DCBLD1: variants seen among roughly 807,000 people sequenced by gnomAD.
The protein encoded by DCBLD1 is discoidin, CUB and LCCL domain containing 1, also known as discoidin, CUB and LCCL domain-containing protein 1.
A neutral mutation model predicts 71.5 loss-of-function variants in DCBLD1; 57 were observed. The observed-to-expected ratio is 0.80, with a 90% CI of 0.64 to 0.99. The LOEUF is 0.99. Among genes scored for constraint, DCBLD1 ranks in the 50% least tolerant of loss-of-function variants. The probability of loss-of-function intolerance (pLI) is 0.00; values close to 1 mark genes in which losing one functional copy is unlikely to be tolerated. For missense variants in DCBLD1, 891 were observed against 923.5 expected (o/e 0.96, Z 0.46); for synonymous variants, 380 against 363.8 (o/e 1.04, Z -0.51).
intron 3 of DCBLD1, 105 bp from the exon 4 acceptor site, chr6:117,521,420 A>G (rs920531168): frequency 3.1e-6 from 3 of 956,986 alleles, no homozygotes; most frequent in South Asian, 1.6e-5. Context: ...TACATAGTGA[A>G]TAAATGCTTT....
chr6:117,486,199 T>C (rs1181064374), intron 1 of DCBLD1, among the ~76,000 whole-genome samples: 2 of 152,232 alleles, frequency 1.3e-5, no homozygotes, highest in Non-Finnish European at 2.9e-5. Flanking sequence ...TGAGGAATTA[T>C]GTCTTATTTT....
Position 117,549,384 on chromosome 6 carries a change from A to T in DCBLD1, c.*945A>T. 1.0e-6 allele frequency: 1 copy of T among 985,442 alleles called. No homozygotes were observed. The highest frequency in any genetic ancestry group is 1.2e-6 in the Non-Finnish European group (1 of 829,938). 61.0% of individuals were successfully genotyped at this position (985,442 alleles called of 1,614,324 possible). ...AAGTCTAAATCGAGCTTTTCTACTG[A>T]CATGAAACTGTTGGAAACTGATCTC... On this transcript the variant is annotated 3_prime_UTR_variant, in exon 15 of 15. Coordinates refer to ENST00000338728, the MANE Select transcript of DCBLD1 (RefSeq NM_001366458.2).
At chr6:117,545,442 G>T in intron 13 of DCBLD1, 36 bp from the exon 14 acceptor site, 1 of 1,608,984 alleles carries the variant, frequency 6.2e-7, no homozygotes, top group South Asian at 1.1e-5. Context: ...TTACATTTCT[G>T]ACATATTCAT....
At chr6:117,520,665 T>A (rs1476262231) in intron 3 of DCBLD1, among the ~76,000 whole-genome samples, 1 of 152,108 alleles carries the variant, frequency 6.6e-6, no homozygotes, top group Non-Finnish European at 1.5e-5. Flanking sequence ...CGAACACTGA[T>A]GAGAGAGAGA....
At chr6:117,553,772 T>C, downstream of DCBLD1, among the ~76,000 whole-genome samples, 1 of 151,884 alleles carries the variant, frequency 6.6e-6, no homozygotes, top group East Asian at 1.9e-4. Flanking sequence ...TACTTAGGTG[T>C]TTTTTTTGTT....
intron 14 of DCBLD1, among the ~76,000 whole-genome samples, chr6:117,564,121 G>C (rs1379398916): frequency 1.3e-5 from 2 of 151,938 alleles, no homozygotes; most frequent in African/African-American, 2.4e-5. Flanking sequence ...GGAGCTACAA[G>C]CATGTGCCAC....
intron 2 of DCBLD1, among the ~76,000 whole-genome samples, chr6:117,517,973 A>G (rs1778258938): frequency 6.6e-6 from 1 of 152,186 alleles, no homozygotes; most frequent in African/African-American, 2.4e-5. Flanking sequence ...GTTCTTCATT[A>G]CTTATGTAAA....
intron 1 of DCBLD1, among the ~76,000 whole-genome samples, chr6:117,495,264 T>C (rs1215731926): frequency 6.6e-6 from 1 of 152,222 alleles, no homozygotes; most frequent in East Asian, 1.9e-4. Flanking sequence ...AAAATTGATA[T>C]ACACTAAATG....
chr6:117,522,919 C>T (rs1304332652), intron 4 of DCBLD1, among the ~76,000 whole-genome samples: 1 of 152,124 alleles, frequency 6.6e-6, no homozygotes, highest in African/African-American at 2.4e-5. Context: ...ACTTAAGAGC[C>T]TGTGGTCCTA....
Position 117,488,993 on chromosome 6 carries a change from A to T in DCBLD1, c.112+6100A>T, listed in dbSNP as rs1777188623. Among the ~76,000 whole-genome samples the T allele has an allele frequency of 2.0e-5, 3 of 152,206 alleles. 1 individual carries two copies. In the South Asian group the frequency reaches 6.2e-4, roughly 31 times the overall value. ...TAGGAGCTACATGCTGTGTAATAAT[A>T]TACCCAATATTTGCAGAAATGCCTT... is the stretch of plus-strand genomic sequence containing the variant. On this transcript the variant is annotated intron_variant, in intron 1 of 14. Coordinates refer to ENST00000338728, the MANE Select transcript of DCBLD1 (RefSeq NM_001366458.2).
In DCBLD1 at chr6:117,548,077, C is replaced by G. The variant is rs972488143; in HGVS notation, c.1786C>G (p.Pro596Ala). 1.3e-6 allele frequency: 2 copies of G among 1,548,962 alleles called. No individual in the cohort carries two copies. Among genetic ancestry groups the G allele is most frequent in the Non-Finnish European group, 1.7e-6 (2 of 1,146,116 alleles). ...CGAGTACGCGCTGCCCCTGGCGCCC[C>G]CGGAGCCCGAGTACGCCACGCCCAT... is the stretch of plus-strand genomic sequence containing the variant. Reference protein sequence around the residue: ...RHEYALPLAPPEPEYATPIVE... With the variant: ...RHEYALPLAPAEPEYATPIVE... Residue 596 changes from proline (P) to alanine (A), a missense_variant, in exon 15 of 15, where the codon CCG (proline) becomes GCG (alanine). Transcript: ENST00000338728.
At chr6:117,522,019 T>C (rs536127583) in intron 4 of DCBLD1, among the ~76,000 whole-genome samples, 17 of 152,326 alleles carry the variant, frequency 1.1e-4, no homozygotes, top group African/African-American at 3.8e-4. Context: ...TTTTCCTGGC[T>C]GGTATTTGGG....
At chr6:117,501,318 C>T (rs1455245145) in intron 1 of DCBLD1, among the ~76,000 whole-genome samples, 2 of 146,204 alleles carry the variant, frequency 1.4e-5, no homozygotes, top group Admixed American at 1.3e-4. Context: ...GTGGTTGTCA[C>T]GTCTTTCAGT....
In DCBLD1 at chr6:117,525,337, A is replaced by G. The variant is rs773111945; in HGVS notation, c.513-25A>G. On this transcript the variant is annotated intron_variant, in intron 4 of 14. Transcript: ENST00000338728. ...TTGGTTGTGTAATTTAATAAAATAT[A>G]AATTATTTATTTTTCTTTTTCCAGC... 2.8e-6 allele frequency: 4 copies of G among 1,439,312 alleles called. No individual in the cohort carries two copies. In the East Asian group the frequency reaches 1.0e-4, roughly 37 times the overall value. 89.2% of individuals were successfully genotyped at this position (1,439,312 alleles called of 1,614,324 possible).
At chr6:117,555,563 T>G (rs1402546975) in intron 14 of DCBLD1, among the ~76,000 whole-genome samples, 1 of 152,198 alleles carries the variant, frequency 6.6e-6, no homozygotes, top group Non-Finnish European at 1.5e-5. Context: ...GGGGACAGTA[T>G]GCACACAAGC....
At chr6:117,537,290 T>C in intron 7 of DCBLD1, 65 bp downstream of exon 7, 1 of 1,506,990 alleles carries the variant, frequency 6.6e-7, no homozygotes, top group Non-Finnish European at 9.2e-7. Context: ...ATCCCAGCAC[T>C]TTGGGAGGCC....
chr6:117,555,435 A>C (rs1779484312), intron 14 of DCBLD1, among the ~76,000 whole-genome samples: 1 of 152,162 alleles, frequency 6.6e-6, no homozygotes, highest in African/African-American at 2.4e-5. Flanking sequence ...CAGAGGTTAA[A>C]AATGCCCTCA....
downstream of DCBLD1, among the ~76,000 whole-genome samples, chr6:117,553,362 GAA>G (rs1452109190): frequency 6.6e-6 from 1 of 151,996 alleles, no homozygotes; most frequent in Non-Finnish European, 1.5e-5. Flanking sequence ...TGTGTCAATG[GAA>G]AAAGTGTTAG....
At chr6:117,513,615 G>T (rs1384887208) in intron 2 of DCBLD1, among the ~76,000 whole-genome samples, 1 of 152,236 alleles carries the variant, frequency 6.6e-6, no homozygotes, top group Non-Finnish European at 1.5e-5. Context: ...ATAGATAGAA[G>T]TGAGAGAATA....
Sources: gnomAD v4.1 joint callset for allele counts (sites outside exome capture counted in the v4.1 genomes callset) on GRCh38, gnomAD v4.1.1 for gene constraint, MANE v1.5 for transcripts, NCBI Gene and HGNC (gene_info 2026-07-23, HGNC 2026-07-21) for gene names.